The following FBXO47 variants were observed in gnomAD, a reference collection of about 807,000 sequenced individuals.
The protein encoded by FBXO47 is F-box only protein 47.
FBXO47 carries 34 observed loss-of-function variants against 53.9 expected under a neutral mutation model. The ratio of observed to expected loss-of-function variants is 0.63; its 90% CI spans 0.48 to 0.84. FBXO47 has a LOEUF of 0.84. Among genes scored for constraint, FBXO47 ranks in the 40% least tolerant of loss-of-function variants. The pLI, the probability that FBXO47 is intolerant of heterozygous loss-of-function variation, is 0.00. For missense variants in FBXO47, 485 were observed against 541.3 expected (o/e 0.90, Z 1.03); for synonymous variants, 165 against 181.6 (o/e 0.91, Z 0.73).
At chr17:38,944,431 G>A (rs183422388) in intron 7 of FBXO47, among the ~76,000 whole-genome samples, 4 of 151,736 alleles carry the variant, frequency 2.6e-5, no homozygotes, top group African/African-American at 4.8e-5. Context: ...GGCCAGGCGC[G>A]GTGGCTCACA....
At chr17:38,957,914 A>T (rs1481919308) in intron 3 of FBXO47, among the ~76,000 whole-genome samples, 2 of 151,792 alleles carry the variant, frequency 1.3e-5, no homozygotes, top group Non-Finnish European at 2.9e-5. Context: ...GCTCACTGCA[A>T]CCTCCACCTC....
intron 9 of FBXO47, among the ~76,000 whole-genome samples, chr17:38,942,225 G>A (rs559507906): frequency 8.3e-4 from 127 of 152,140 alleles, no homozygotes; most frequent in African/African-American, 2.9e-3. Flanking sequence ...TAGCAGAACT[G>A]TATAATGAAA....
intron 1 of FBXO47, among the ~76,000 whole-genome samples, chr17:38,965,622 C>T (rs934309109): frequency 6.7e-6 from 1 of 149,292 alleles, no homozygotes; most frequent in African/African-American, 2.5e-5. Context: ...CGCCTTAATC[C>T]CAGCACTTTG....
intron 5 of FBXO47, among the ~76,000 whole-genome samples, 193 bp downstream of exon 5, chr17:38,954,662 TA>T: frequency 6.6e-6 from 1 of 152,324 alleles, no homozygotes; most frequent in African/African-American, 2.4e-5. Context: ...AAACATTTTT[TA>T]CCACTGAGAA....
intron 1 of FBXO47, among the ~76,000 whole-genome samples, chr17:38,964,336 C>A (rs989657779): frequency 6.6e-6 from 1 of 151,870 alleles, no homozygotes; most frequent in Admixed American, 6.6e-5. Context: ...TGGCTCATTC[C>A]TGTAATCCCA....
chr17:38,949,455 TAAC>T (rs376365030), intron 6 of FBXO47, among the ~76,000 whole-genome samples: 2,461 of 150,924 alleles, frequency 0.016, 32 homozygotes, highest in Non-Finnish European at 0.02. Context: ...AAAACAACAA[TAAC>T]AACAACAACA....
intron 8 of FBXO47, 38 bp downstream of exon 8, chr17:38,943,552 A>C (rs765273192): frequency 1.5e-6 from 2 of 1,310,408 alleles, no homozygotes; most frequent in Admixed American, 2.6e-5. Context: ...TTTAACAATA[A>C]ATTTCTATTA....
Position 38,944,191 on chromosome 17 carries a change from ATGTGTGTGTGTG to A in FBXO47, c.794-467_794-456del, listed in dbSNP as rs71141737. ...AGCGAGACTCTGTCTCAAAAAAAAC[ATGTGTGTGTGTG>A]TGTGTGTGTGTGTGTGTGTGTGTGT... On this transcript the variant is annotated intron_variant, in intron 7 of 10. Coordinates refer to ENST00000378079, the MANE Select transcript of FBXO47 (RefSeq NM_001008777.3). 2.8e-3 allele frequency among the ~76,000 whole-genome samples: 373 copies of A among 133,700 alleles called. 1 individual carries two copies. The highest frequency in any genetic ancestry group is 9.3e-3 in the African/African-American group (326 of 34,872). The allele number at this position is 133,700 out of a possible 152,430, so 87.7% of individuals were successfully genotyped here. A position where few individuals can be genotyped will look rare whatever the true frequency, so the allele number is the denominator to read the frequency against.
At chr17:38,966,451 C>G (rs1229096467) in intron 1 of FBXO47, among the ~76,000 whole-genome samples, 1 of 152,202 alleles carries the variant, frequency 6.6e-6, no homozygotes, top group Non-Finnish European at 1.5e-5. Context: ...CCGCCTGCCC[C>G]GGCCTCCCAA....
chr17:38,964,766 T>TA (rs1906009443), intron 1 of FBXO47, among the ~76,000 whole-genome samples: 2 of 152,294 alleles, frequency 1.3e-5, no homozygotes, highest in South Asian at 4.1e-4. Flanking sequence ...AAATATTTCT[T>TA]AAACTCATTA....
At chr17:38,940,207 T>C (rs971852965) in intron 9 of FBXO47, among the ~76,000 whole-genome samples, 1 of 151,850 alleles carries the variant, frequency 6.6e-6, no homozygotes, top group African/African-American at 2.4e-5. Flanking sequence ...ACTCCACACA[T>C]ACAGTGGCTT....
intron 5 of FBXO47, among the ~76,000 whole-genome samples, chr17:38,954,486 A>G (rs928062032): frequency 6.6e-6 from 1 of 152,154 alleles, no homozygotes; most frequent in Non-Finnish European, 1.5e-5. Flanking sequence ...TTAAATAACC[A>G]GCCCAAGACT....
At chr17:38,939,293 C>CAAAAAAA (rs1218321299) in intron 9 of FBXO47, among the ~76,000 whole-genome samples, 13 of 34,866 alleles carry the variant, frequency 3.7e-4, no homozygotes, top group Admixed American at 1.4e-3. Flanking sequence ...ACTCCATCTC[C>CAAAAAAA]AAAAAAAAAA....
At chr17:38,957,698 C>CTTT (rs67243641) in intron 3 of FBXO47, among the ~76,000 whole-genome samples, 3 of 132,862 alleles carry the variant, frequency 2.3e-5, no homozygotes, top group Admixed American at 7.7e-5. Flanking sequence ...ACTGATTTTT[C>CTTT]TTTTTTTTTT....
At chr17:38,938,866 A>C in intron 9 of FBXO47, 134 bp from the exon 10 acceptor site, 1 of 650,352 alleles carries the variant, frequency 1.5e-6, no homozygotes, top group Non-Finnish European at 2.5e-6. Context: ...TACTGAGTCT[A>C]TACATGGGAA....
In FBXO47 at chr17:38,957,121, T is replaced by C. The variant is rs539313214; in HGVS notation, c.429+56A>G. The stretch of plus-strand genomic sequence containing the variant: ...GAGTAAAATGAGCATAAGATAATAA[T>C]AAAATATCTTTACTGGAAATCAAGA... On this transcript the variant is annotated intron_variant, in intron 4 of 10. Coordinates refer to ENST00000378079, the MANE Select transcript of FBXO47 (RefSeq NM_001008777.3). The C allele has an allele frequency of 6.1e-6, 7 of 1,156,470 alleles. No individual in the cohort carries two copies. In the Admixed American group the frequency reaches 1.3e-4, roughly 21 times the overall value. The allele number at this position is 1,156,470 out of a possible 1,614,324, so 71.6% of individuals were successfully genotyped here. A position where few individuals can be genotyped will look rare whatever the true frequency, so the allele number is the denominator to read the frequency against.
chr17:38,965,709 T>TAAAAAAAAAAAAA (rs71141742), intron 1 of FBXO47, among the ~76,000 whole-genome samples: 5 of 61,616 alleles, frequency 8.1e-5, no homozygotes, highest in Admixed American at 2.1e-4. Flanking sequence ...CCTTCTCTAC[T>TAAAAAAAAAAAAA]AAAAAAAAAA....
intron 4 of FBXO47, among the ~76,000 whole-genome samples, chr17:38,955,183 C>T (rs530831054): frequency 9.5e-4 from 145 of 151,984 alleles, no homozygotes; most frequent in East Asian, 1.9e-4. Flanking sequence ...GTCAGGAGAT[C>T]GAGACCATCC....
chr17:38,951,457 G>C (rs2143934635), intron 6 of FBXO47, 124 bp downstream of exon 6: 1 of 649,798 alleles, frequency 1.5e-6, no homozygotes. Context: ...GCTTCCCAAA[G>C]TGCTGGGATT....
Sources: allele counts gnomAD v4.1 joint callset (sites outside exome capture counted in the v4.1 genomes callset), GRCh38; gene constraint gnomAD v4.1.1; transcripts MANE v1.5; gene names NCBI Gene and HGNC (gene_info 2026-07-23, HGNC 2026-07-21).